RGS2: variants seen among roughly 807,000 people sequenced by gnomAD.
RGS2 encodes the protein G0 to G1 switch regulatory 8, 24kD.
A neutral mutation model predicts 26.6 loss-of-function variants in RGS2; 20 were observed. The ratio of observed to expected loss-of-function variants is 0.75; its 90% CI spans 0.53 to 1.09. The LOEUF is 1.09. Among genes scored for constraint, RGS2 ranks in the 50% least tolerant of loss-of-function variants. The pLI, the probability that RGS2 is intolerant of heterozygous loss-of-function variation, is 0.00. For missense variants in RGS2, 246 were observed against 245.5 expected (o/e 1.00, Z -0.01); for synonymous variants, 97 against 79.9 (o/e 1.21, Z -1.14).
intron 1 of RGS2, 25 bp downstream of exon 1, chr1:192,809,206 C>T (rs765465115): frequency 3.1e-5 from 46 of 1,488,956 alleles, no homozygotes; most frequent in Middle Eastern, 1.7e-4. Context: ...CTTCCCTCTC[C>T]CGCCACCCCC....
chr1:192,810,115 C>A, intron 1 of RGS2, 51 bp from the exon 2 acceptor site: 1 of 1,130,368 alleles, frequency 8.8e-7, no homozygotes, highest in Non-Finnish European at 1.3e-6. Context: ...GCTGCAGTAG[C>A]ATATTCAAGT....
In RGS2 at chr1:192,809,051, G is replaced by T. The variant is rs747921480; in HGVS notation, c.-21G>T. The T allele has an allele frequency of 6.4e-7, 1 of 1,574,728 alleles. No individual in the cohort carries two copies. The highest frequency in any genetic ancestry group is 2.2e-5 in the East Asian group (1 of 44,668). On this transcript the variant is annotated 5_prime_UTR_variant, in exon 1 of 5. Transcript: ENST00000235382. ...CGCACGCCCAGCCGCAAACAGCCGG[G>T]GCTCCAGCGGGAGAACGATAATGCA...
intron 3 of RGS2, chr1:192,810,648 G>T: frequency 1.6e-6 from 1 of 632,250 alleles, no homozygotes; most frequent in Non-Finnish European, 2.8e-6. Flanking sequence ...AATTAAAGTG[G>T]CAGTTGCTTA....
chr1:192,809,602 G>C, intron 1 of RGS2: 1 of 311,618 alleles, frequency 3.2e-6, no homozygotes, highest in Non-Finnish European at 6.3e-6. Flanking sequence ...TTATAGAGCA[G>C]ATCTCACCCA....
chr1:192,809,250 T>C, intron 1 of RGS2, 69 bp downstream of exon 1: 1 of 1,156,214 alleles, frequency 8.6e-7, no homozygotes, highest in Non-Finnish European at 1.3e-6. Context: ...CGCGGTACTT[T>C]CGGGCTCGCC....
chr1:192,811,308 T>G lies in RGS2; in HGVS notation c.442-94T>G. On this transcript the variant is annotated intron_variant, in intron 4 of 4. Transcript: ENST00000235382. Reference sequence around the variant, plus strand: ...TCTCCTGTGACTTAGCTAGTAAAGCTAATCACACATAATTTTTATTTTTTG... The same window carrying G: ...TCTCCTGTGACTTAGCTAGTAAAGCGAATCACACATAATTTTTATTTTTTG... 2.3e-6 allele frequency: 3 copies of G among 1,291,278 alleles called. No homozygotes were observed. In the South Asian group the frequency reaches 3.8e-5, roughly 16 times the overall value. The allele number at this position is 1,291,278 out of a possible 1,614,324, so 80.0% of individuals were successfully genotyped here.
At chr1:192,810,454 G>T in intron 3 of RGS2, 23 bp downstream of exon 3, 1 of 1,611,052 alleles carries the variant, frequency 6.2e-7, no homozygotes, top group Non-Finnish European at 8.5e-7. Context: ...TTGAGCTTGA[G>T]CCATTGCTAA....
chr1:192,811,206 A>G lies in RGS2; in HGVS notation c.441+59A>G, dbSNP rs967590956. 84 of 1,583,098 alleles carry G rather than the reference A, an allele frequency of 5.3e-5. No homozygotes were observed. The Admixed American group carries it at 1.4e-3, about 27-fold the overall frequency. On this transcript the variant is annotated intron_variant, in intron 4 of 4. Coordinates refer to ENST00000235382, the MANE Select transcript of RGS2 (RefSeq NM_002923.4). ...TGGACATCTTTAGCACAAAAGTGAA[A>G]CAAAGTAATCAAGGACAAAGCGGGC...
chr1:192,810,555 T>G (rs1665575471), intron 3 of RGS2, 124 bp downstream of exon 3: 2 of 832,044 alleles, frequency 2.4e-6, no homozygotes, highest in Non-Finnish European at 2.1e-6. Flanking sequence ...GGATAAAGCC[T>G]GTTTTTCTTT....
chr1:192,810,457 A>G (rs2102106175), intron 3 of RGS2, 26 bp downstream of exon 3: 1 of 1,609,240 alleles, frequency 6.2e-7, no homozygotes, highest in East Asian at 2.2e-5. Context: ...AGCTTGAGCC[A>G]TTGCTAACAT....
chr1:192,809,240 C>T lies in RGS2; in HGVS notation c.110+59C>T, dbSNP rs1411195544. The T allele has an allele frequency of 2.6e-5, 33 of 1,251,260 alleles. 1 individual carries two copies. The East Asian group carries it at 4.4e-4, about 17-fold the overall frequency. 77.5% of individuals were successfully genotyped at this position (1,251,260 alleles called of 1,614,324 possible). On this transcript the variant is annotated intron_variant, in intron 1 of 4. Coordinates refer to ENST00000235382, the MANE Select transcript of RGS2 (RefSeq NM_002923.4). ...CCTGCCCCACACTGCAAGCTGCAAA[C>T]GCGGTACTTTCGGGCTCGCCTTTGA...
At position 192,810,293 on chromosome 1, in the gene RGS2, A is replaced by G. The variant is rs771360634; in HGVS notation, c.212+26A>G. 6.2e-6 allele frequency: 10 copies of G among 1,607,658 alleles called. No homozygotes were observed. The African/African-American group carries it at 9.4e-5, about 15-fold the overall frequency. On this transcript the variant is annotated intron_variant, in intron 2 of 4. Transcript: ENST00000235382. ...GTAAGTTGAGAATCCTGTGCTTGCAAATATCAATAGTTAGCTGCTGAACTG... is the reference window on the plus strand; with the variant it reads ...GTAAGTTGAGAATCCTGTGCTTGCAGATATCAATAGTTAGCTGCTGAACTG...
chr1:192,810,027 TA>T (rs942186192), intron 1 of RGS2, 138 bp from the exon 2 acceptor site: 5 of 676,862 alleles, frequency 7.4e-6, no homozygotes, highest in Non-Finnish European at 1.3e-5. Context: ...GGATAAGACT[TA>T]TTTGAAGAGT....
In RGS2 at chr1:192,810,468, C is replaced by T. The variant is rs374873881; in HGVS notation, c.274+37C>T. ...CTTGAGCTTGAGCCATTGCTAACAT[C>T]GCAAAAGCCTGGAAAGGCTGCGTCC... On this transcript the variant is annotated intron_variant, in intron 3 of 4. Coordinates refer to ENST00000235382, the MANE Select transcript of RGS2 (RefSeq NM_002923.4). 6.3e-6 allele frequency: 10 copies of T among 1,597,870 alleles called. No individual in the cohort carries two copies. The African/African-American group carries it at 1.2e-4, about 19-fold the overall frequency.
Position 192,809,304 on chromosome 1 carries a change from A to G in RGS2, c.110+123A>G, listed in dbSNP as rs1250481778. 30 of 756,328 alleles carry G rather than the reference A, an allele frequency of 4.0e-5. No individual in the cohort carries two copies. In the Admixed American group the frequency reaches 5.9e-4, roughly 15 times the overall value. The allele number at this position is 756,328 out of a possible 1,614,324, so 46.9% of individuals were successfully genotyped here. The stretch of plus-strand genomic sequence containing the variant: ...GCCTGAGCCTATGCAGGGAAAAAAA[A>G]TCGAAAAGGTCAATTTGTTAAGTAA... On this transcript the variant is annotated intron_variant, in intron 1 of 4. Coordinates refer to ENST00000235382, the MANE Select transcript of RGS2 (RefSeq NM_002923.4).
In RGS2 at chr1:192,811,764, C is replaced by T; in HGVS notation, c.*168C>T. 1 of 688,256 alleles carries T rather than the reference C, an allele frequency of 1.5e-6. No homozygotes were observed. The highest frequency in any genetic ancestry group is 2.6e-6 in the Non-Finnish European group (1 of 384,198). The allele number at this position is 688,256 out of a possible 1,614,324, so 42.6% of individuals were successfully genotyped here. On this transcript the variant is annotated 3_prime_UTR_variant, in exon 5 of 5. Transcript: ENST00000235382. ...AGTGAATCAGGAAGCCAGTAACTGA[C>T]TAGGAGAAGCTGGTATCAGAACAGC...
rs1490940778 is a variant in RGS2 at position 192,811,024 on chromosome 1, TG to T, written c.319del (p.Glu107LysfsTer34). On this transcript the variant is annotated frameshift_variant, in exon 4 of 5. Coordinates refer to ENST00000235382, the MANE Select transcript of RGS2 (RefSeq NM_002923.4). LOFTEE classifies it high-confidence loss of function. Reference sequence around the variant, plus strand: ...GGGCTTTTTTAAAGTCGGAATTCTGTGAAGAAAATATTGAATTCTGGCTGGC... The same window carrying T: ...GGGCTTTTTTAAAGTCGGAATTCTGTAAGAAAATATTGAATTCTGGCTGGC... ...FRAFLKSEFC[E>X]ENIEFWLACE... The T allele has an allele frequency of 6.2e-7, 1 of 1,614,008 alleles. No homozygotes were observed. The highest frequency in any genetic ancestry group is 1.1e-5 in the South Asian group (1 of 91,088).
chr1:192,811,171 C>G, intron 4 of RGS2, 24 bp downstream of exon 4: 1 of 1,612,002 alleles, frequency 6.2e-7, no homozygotes, highest in Non-Finnish European at 8.5e-7. Flanking sequence ...TTCCTAATTT[C>G]AGCACAATCT....
rs755076642 is a variant in RGS2, at chr1:192,810,974, C to A, written c.275-7C>A. 13 of 1,613,498 alleles carry A rather than the reference C, an allele frequency of 8.1e-6. No individual in the cohort carries two copies. The highest frequency in any genetic ancestry group is 1.1e-5 in the Non-Finnish European group (13 of 1,179,572). The stretch of plus-strand genomic sequence containing the variant: ...ATTCTGCATGCTCTCTTTTCTCCCC[C>A]CTTCAGATGGTCTTGCTGCATTCAG... On this transcript the variant is annotated splice_polypyrimidine_tract_variant and splice_region_variant and intron_variant, in intron 3 of 4. Coordinates refer to ENST00000235382, the MANE Select transcript of RGS2 (RefSeq NM_002923.4).
Sources: gnomAD v4.1 joint callset for allele counts on GRCh38, gnomAD v4.1.1 for gene constraint, MANE v1.5 for transcripts, NCBI Gene and HGNC (gene_info 2026-07-23, HGNC 2026-07-21) for gene names.